The following STX8 variants were observed in gnomAD, a reference collection of about 807,000 sequenced individuals.
STX8 encodes syntaxin-8.
Under a neutral mutation model 37.5 loss-of-function variants are expected in STX8, and 23 were observed. The observed-to-expected ratio is 0.61, with a 90% CI of 0.44 to 0.87. The LOEUF (loss-of-function observed/expected upper bound fraction) is 0.87. Among genes scored for constraint, STX8 ranks in the 40% least tolerant of loss-of-function variants. The probability of loss-of-function intolerance (pLI) is 0.00; values close to 1 mark genes in which losing one functional copy is unlikely to be tolerated. For synonymous variants in STX8, 115 were observed against 99.1 expected, an observed-to-expected ratio of 1.16 and a Z score of -0.95; for missense variants, 313 against 284.7, an observed-to-expected ratio of 1.10 and a Z score of -0.71.
chr17:9,410,279 T>A (rs1029290736), intron 6 of STX8, among the ~76,000 whole-genome samples: 3 of 152,228 alleles, frequency 2.0e-5, no homozygotes, highest in African/African-American at 7.2e-5. Flanking sequence ...TATCTGCTGA[T>A]AAAGAATCAT....
chr17:9,319,146 G>T (rs192674073), intron 7 of STX8, among the ~76,000 whole-genome samples: 1 of 152,288 alleles, frequency 6.6e-6, no homozygotes, highest in Admixed American at 6.5e-5. Flanking sequence ...ACCCACAAGT[G>T]CATTAAAAAC....
intron 4 of STX8, among the ~76,000 whole-genome samples, chr17:9,535,778 A>G (rs965296400): frequency 6.6e-6 from 1 of 152,258 alleles, no homozygotes; most frequent in South Asian, 2.1e-4. Context: ...ATACTTTCAC[A>G]TATGCAAAAT....
intron 5 of STX8, among the ~76,000 whole-genome samples, chr17:9,492,722 G>A (rs1906907870): frequency 6.6e-6 from 1 of 152,162 alleles, no homozygotes; most frequent in Non-Finnish European, 1.5e-5. Context: ...GCCAAGGCAG[G>A]AGGTTCACTT....
chr17:9,547,743 CCAGA>C, intron 3 of STX8, among the ~76,000 whole-genome samples: 1 of 151,366 alleles, frequency 6.6e-6, no homozygotes, highest in East Asian at 1.9e-4. Context: ...GGACAAGGAA[CCAGA>C]CACTCTCATA....
At chr17:9,439,532 ATTTTT>A (rs750040200) in intron 6 of STX8, among the ~76,000 whole-genome samples, 1 of 131,122 alleles carries the variant, frequency 7.6e-6, no homozygotes, top group African/African-American at 2.6e-5. Flanking sequence ...CTGCCATATA[ATTTTT>A]TTTTTTTTTT....
At chr17:9,449,108 C>T (rs1334306159) in intron 6 of STX8, among the ~76,000 whole-genome samples, 1 of 152,138 alleles carries the variant, frequency 6.6e-6, no homozygotes, top group African/African-American at 2.4e-5. Flanking sequence ...GAAAACTAAA[C>T]ATATGCTTAT....
chr17:9,308,960 A>C (rs1230851829), intron 7 of STX8, among the ~76,000 whole-genome samples: 2 of 152,086 alleles, frequency 1.3e-5, no homozygotes, highest in African/African-American at 4.8e-5. Context: ...AAAAAAATAC[A>C]ATCAGAAATT....
intron 7 of STX8, among the ~76,000 whole-genome samples, chr17:9,323,555 CAGA>C (rs1311090760): frequency 6.6e-6 from 1 of 152,056 alleles, no homozygotes; most frequent in Non-Finnish European, 1.5e-5. Context: ...AGAAGGCAAT[CAGA>C]AGAACGGTGG....
intron 6 of STX8, among the ~76,000 whole-genome samples, chr17:9,484,755 A>G (rs1457469447): frequency 2.6e-5 from 4 of 152,038 alleles, no homozygotes; most frequent in Non-Finnish European, 5.9e-5. Flanking sequence ...TGAACCCGAG[A>G]GGTGGAGGTT....
intron 6 of STX8, among the ~76,000 whole-genome samples, chr17:9,388,659 C>T (rs963851100): frequency 6.6e-6 from 1 of 151,634 alleles, no homozygotes; most frequent in Admixed American, 6.6e-5. Flanking sequence ...CAAAATCAGC[C>T]GGGTGTGGTG....
At chr17:9,527,102 C>T (rs1336963299) in intron 4 of STX8, among the ~76,000 whole-genome samples, 1 of 138,690 alleles carries the variant, frequency 7.2e-6, no homozygotes, top group Non-Finnish European at 1.5e-5. Flanking sequence ...TGGCGTGAAC[C>T]CGGGAAGCGG....
At chr17:9,478,405 G>C (rs1303804263) in intron 6 of STX8, among the ~76,000 whole-genome samples, 2 of 152,134 alleles carry the variant, frequency 1.3e-5, no homozygotes, top group Non-Finnish European at 2.9e-5. Flanking sequence ...CAAAGTGCTG[G>C]GATTACAGGC....
chr17:9,402,325 T>C (rs1264897247), intron 6 of STX8, among the ~76,000 whole-genome samples: 1 of 152,142 alleles, frequency 6.6e-6, no homozygotes, highest in Non-Finnish European at 1.5e-5. Flanking sequence ...TTCTCCATGT[T>C]GGTCAGGCTG....
chr17:9,288,475 C>G (rs1047836084), intron 7 of STX8, among the ~76,000 whole-genome samples: 7 of 151,814 alleles, frequency 4.6e-5, no homozygotes, highest in Non-Finnish European at 1.0e-4. Context: ...TCCTGGCTAA[C>G]GCGGTGAAAC....
intron 6 of STX8, chr17:9,470,147 G>A (rs920570745): frequency 1.3e-5 from 2 of 152,178 alleles, no homozygotes; most frequent in Non-Finnish European, 2.9e-5. Context: ...CCTTATCACT[G>A]CATTCAAAAT....
In STX8 at chr17:9,422,494, C is replaced by T. The variant is rs772098688; in HGVS notation, c.542-43841G>A. Among the ~76,000 whole-genome samples, 13 of 152,212 alleles carry T rather than the reference C, an allele frequency of 8.5e-5. No individual in the cohort carries two copies. In the East Asian group the frequency reaches 9.6e-4, roughly 11 times the overall value. ...TTCCTGGCATCACCAATCTGAATTA[C>T]GGCTCCATGGATTCGTCTGTTCTAG... On this transcript the variant is annotated intron_variant, in intron 6 of 7. Coordinates refer to ENST00000306357, the MANE Select transcript of STX8 (RefSeq NM_004853.3).
chr17:9,509,931 G>A (rs1309949238), intron 4 of STX8, among the ~76,000 whole-genome samples: 2 of 151,342 alleles, frequency 1.3e-5, no homozygotes, highest in Non-Finnish European at 2.9e-5. Flanking sequence ...GCAAAGGTAT[G>A]GAAAAAGATA....
At chr17:9,443,036 G>A (rs1904721768) in intron 6 of STX8, among the ~76,000 whole-genome samples, 1 of 152,214 alleles carries the variant, frequency 6.6e-6, no homozygotes, top group African/African-American at 2.4e-5. Context: ...TAATCTCATA[G>A]ATAAAGGGGC....
At chr17:9,537,694 AATT>A (rs1362538443) in intron 4 of STX8, among the ~76,000 whole-genome samples, 1 of 152,222 alleles carries the variant, frequency 6.6e-6, no homozygotes, top group African/African-American at 2.4e-5. Flanking sequence ...TTCATTGAGC[AATT>A]ACTTATTAAA....
Sources: gnomAD v4.1 joint callset for allele counts (sites outside exome capture counted in the v4.1 genomes callset) on GRCh38, gnomAD v4.1.1 for gene constraint, MANE v1.5 for transcripts, NCBI Gene and HGNC (gene_info 2026-07-23, HGNC 2026-07-21) for gene names.